TRAF5: variants seen among roughly 807,000 people sequenced by gnomAD.
TRAF5 encodes TNF receptor-associated factor 5.
A neutral mutation model predicts 64.5 loss-of-function variants in TRAF5; 48 were observed. The ratio of observed to expected loss-of-function variants is 0.74; its 90% CI spans 0.59 to 0.95. TRAF5 has a LOEUF of 0.95. Among genes scored for constraint, TRAF5 ranks in the 40% least tolerant of loss-of-function variants. The pLI is 0.00. For missense variants in TRAF5, 545 were observed against 662.8 expected (o/e 0.82, Z 1.95); for synonymous variants, 206 against 240.5 (o/e 0.86, Z 1.33).
intron 1 of TRAF5, among the ~76,000 whole-genome samples, chr1:211,334,417 G>C (rs2102712229): frequency 6.6e-6 from 1 of 152,332 alleles, no homozygotes; most frequent in South Asian, 2.1e-4. Context: ...CCAGCACTTT[G>C]GGAGACCGAG....
intron 1 of TRAF5, among the ~76,000 whole-genome samples, chr1:211,344,512 C>G (rs926947450): frequency 6.6e-6 from 1 of 152,202 alleles, no homozygotes; most frequent in Non-Finnish European, 1.5e-5. Flanking sequence ...GTCACCTGGT[C>G]TCTGCATGAG....
intron 1 of TRAF5, among the ~76,000 whole-genome samples, chr1:211,349,034 T>TAAAAA (rs373131975): frequency 2.4e-5 from 2 of 84,660 alleles, no homozygotes; most frequent in African/African-American, 4.9e-5. Context: ...ACTCTGTCTC[T>TAAAAA]AAAAAAAAAA....
At chr1:211,361,243 C>A in intron 7 of TRAF5, 81 bp downstream of exon 7, 1 of 1,278,394 alleles carries the variant, frequency 7.8e-7, no homozygotes, top group Non-Finnish European at 1.1e-6. Context: ...TCTGTTCCAT[C>A]GAGGATGGAG....
intron 1 of TRAF5, among the ~76,000 whole-genome samples, chr1:211,327,467 C>A (rs1325962484): frequency 6.6e-6 from 1 of 152,210 alleles, no homozygotes; most frequent in African/African-American, 2.4e-5. Context: ...CCCCCCTCCC[C>A]CAGAAGGCGA....
chr1:211,372,392 G>A lies in TRAF5; in HGVS notation c.1364G>A (p.Arg455Lys), dbSNP rs1703567041. 3.1e-6 allele frequency: 5 copies of A among 1,614,142 alleles called. No homozygotes were observed. The highest frequency in any genetic ancestry group is 1.6e-4 in the Middle Eastern group (1 of 6,062). ...RAYLNGDGSG[R>K]GSHLSLYFVV... ...TACCTGAATGGGGATGGGTCAGGGA[G>A]GGGGTCACACCTGTCCCTATACTTT... The change falls in exon 11 of 11, where the codon AGG becomes AAG. Residue 455 changes from arginine to lysine, a missense_variant. Arg to Lys is a conservative substitution (Grantham distance 26, BLOSUM62 2). Transcript: ENST00000261464.
At chr1:211,334,748 C>T (rs141124594) in intron 1 of TRAF5, among the ~76,000 whole-genome samples, 3 of 152,200 alleles carry the variant, frequency 2.0e-5, no homozygotes, top group Non-Finnish European at 4.4e-5. Flanking sequence ...GTGGTGGGAG[C>T]CTTACTGAAA....
intron 7 of TRAF5, among the ~76,000 whole-genome samples, chr1:211,362,604 C>T (rs1162208298): frequency 8.6e-5 from 13 of 151,964 alleles, no homozygotes; most frequent in Non-Finnish European, 1.8e-4. Flanking sequence ...CCCTTGAACC[C>T]GGGAGGCCAA....
At chr1:211,330,118 G>A (rs559876925) in intron 1 of TRAF5, among the ~76,000 whole-genome samples, 1 of 152,196 alleles carries the variant, frequency 6.6e-6, no homozygotes, top group Non-Finnish European at 1.5e-5. Flanking sequence ...GTACCTGGAG[G>A]CAGGTGGTGG....
intron 1 of TRAF5, among the ~76,000 whole-genome samples, chr1:211,347,091 G>GTT (rs376192665): frequency 6.7e-6 from 1 of 149,078 alleles, no homozygotes; most frequent in East Asian, 2.0e-4. Flanking sequence ...GTTTTGATAT[G>GTT]TTTTTTTTTT....
intron 4 of TRAF5, chr1:211,359,128 T>C (rs1377193629): frequency 6.6e-5 from 10 of 151,598 alleles, no homozygotes; most frequent in Non-Finnish European, 1.2e-4. Context: ...AAAAAAAAAA[T>C]TGTGGAGACA....
At chr1:211,346,706 A>G (rs540238024) in intron 1 of TRAF5, among the ~76,000 whole-genome samples, 25 of 152,334 alleles carry the variant, frequency 1.6e-4, no homozygotes, top group Admixed American at 1.0e-3. Context: ...TGCAAAATAC[A>G]TATCTTTTTT....
intron 7 of TRAF5, among the ~76,000 whole-genome samples, chr1:211,361,692 G>GTTTTTTTTTTTTTTTTTTTTTTTTTTT: frequency 1.3e-5 from 1 of 75,316 alleles, no homozygotes; most frequent in Non-Finnish European, 2.4e-5. Flanking sequence ...AATTATTCGG[G>GTTTTTTTTTTTTTTTTTTTTTTTTTTT]TTTTTTTTTT....
chr1:211,360,933 C>T (rs964593211), intron 6 of TRAF5, among the ~76,000 whole-genome samples, 154 bp downstream of exon 6: 6 of 152,128 alleles, frequency 3.9e-5, no homozygotes, highest in African/African-American at 1.4e-4. Context: ...CTTTTTCCTG[C>T]GAACTCTCTT....
chr1:211,359,837 C>T (rs776508011), intron 4 of TRAF5, 75 bp from the exon 5 acceptor site: 2 of 1,588,802 alleles, frequency 1.3e-6, no homozygotes, highest in Admixed American at 1.7e-5. Context: ...TCTCTCCCTC[C>T]CTAGGCCTTC....
chr1:211,367,342 A>G (rs1277151993), intron 8 of TRAF5, among the ~76,000 whole-genome samples: 7 of 152,250 alleles, frequency 4.6e-5, no homozygotes, highest in African/African-American at 1.4e-4. Context: ...GTTTGCAGCC[A>G]GGCTGCACAC....
At chr1:211,356,569 A>G (rs1702976048) in intron 4 of TRAF5, 101 bp downstream of exon 4, 1 of 1,005,812 alleles carries the variant, frequency 9.9e-7, no homozygotes, top group East Asian at 2.5e-5. Context: ...TGGTACAGGG[A>G]TTCAGTGAAT....
chr1:211,353,273 T>C lies in TRAF5; in HGVS notation c.34T>C (p.Cys12Arg), dbSNP rs1051416633. ...TTCAGAAGAGCATAAAGGTATGCCC[T>C]GTGGTTTCATCCGCCAGAATTCCGG... is the stretch of plus-strand genomic sequence containing the variant. The part of the protein sequence containing the change: ...AYSEEHKGMP[C>R]GFIRQNSGNS... The change falls in exon 2 of 11, where the codon TGT becomes CGT. Residue 12 changes from cysteine (C) to arginine (R), a missense_variant. Physicochemically the swap from Cys to Arg is radical, Grantham distance 180 (BLOSUM62 -3). Coordinates refer to ENST00000261464, the MANE Select transcript of TRAF5 (RefSeq NM_001033910.3). 1.2e-6 allele frequency: 2 copies of C among 1,614,144 alleles called. No individual in the cohort carries two copies. The highest frequency in any genetic ancestry group is 2.7e-5 in the African/African-American group (2 of 74,948).
intron 1 of TRAF5, among the ~76,000 whole-genome samples, chr1:211,341,734 G>T (rs544443914): frequency 1.3e-5 from 2 of 152,328 alleles, no homozygotes; most frequent in Admixed American, 1.3e-4. Context: ...GCTCCAGGGG[G>T]TGGGGAATTT....
chr1:211,371,499 G>A lies in TRAF5; in HGVS notation c.1099+29G>A, dbSNP rs1005465572. The A allele has an allele frequency of 1.9e-6, 3 of 1,596,664 alleles. No homozygotes were observed. In the South Asian group the frequency reaches 3.4e-5, roughly 18 times the overall value. On this transcript the variant is annotated intron_variant, in intron 10 of 10. Coordinates refer to ENST00000261464, the MANE Select transcript of TRAF5 (RefSeq NM_001033910.3). Reference sequence around the variant, plus strand: ...TGTCTGATATTTTATTTCTCTTTTGGTGACTCATTTGTCTGCATGTGTTCA... The same window carrying A: ...TGTCTGATATTTTATTTCTCTTTTGATGACTCATTTGTCTGCATGTGTTCA...
Sources: gnomAD v4.1 joint callset for allele counts (sites outside exome capture counted in the v4.1 genomes callset) on GRCh38, gnomAD v4.1.1 for gene constraint, MANE v1.5 for transcripts, NCBI Gene and HGNC (gene_info 2026-07-23, HGNC 2026-07-21) for gene names.